IDH3A: variants seen among roughly 807,000 people sequenced by gnomAD.
IDH3A encodes the protein isocitrate dehydrogenase [NAD] subunit alpha, mitochondrial.
Under a neutral mutation model 43.3 loss-of-function variants are expected in IDH3A, and 23 were observed. The ratio of observed to expected loss-of-function variants is 0.53; its 90% CI spans 0.38 to 0.75. The LOEUF (loss-of-function observed/expected upper bound fraction) is 0.75. Among genes scored for constraint, IDH3A ranks in the 30% least tolerant of loss-of-function variants. IDH3A has a pLI of 0.00. For missense variants in IDH3A, 329 were observed against 474.4 expected, an observed-to-expected ratio of 0.69 and a Z score of 2.85; for synonymous variants, 154 against 163.5, an observed-to-expected ratio of 0.94 and a Z score of 0.44.
rs749300385 is a variant in IDH3A at position 78,155,284 on chromosome 15, AATT to A, written c.90+12_90+14del. 6.4e-5 allele frequency: 102 copies of A among 1,596,028 alleles called. No individual in the cohort carries two copies. In the African/African-American group the frequency reaches 1.1e-3, roughly 18 times the overall value. ...GAGGTTTTACTGGTGGTGTGAGTAT[AATT>A]ATGTCTTTTATTTTTTCCTTTTAGA... On this transcript the variant is annotated intron_variant, in intron 2 of 10. Transcript: ENST00000299518.
chr15:78,153,811 G>T (rs1217079041), intron 1 of IDH3A, among the ~76,000 whole-genome samples: 2 of 152,150 alleles, frequency 1.3e-5, no homozygotes, highest in Non-Finnish European at 2.9e-5. Flanking sequence ...CTGAGGTCAG[G>T]AGTTTGAGAC....
intron 3 of IDH3A, among the ~76,000 whole-genome samples, chr15:78,158,721 C>T (rs2074651331): frequency 6.6e-6 from 1 of 151,210 alleles, no homozygotes; most frequent in Non-Finnish European, 1.5e-5. Context: ...AGGTGATCTG[C>T]CCACCTTGGC....
chr15:78,163,587 A>C lies in IDH3A; in HGVS notation c.692A>C (p.Tyr231Ser), dbSNP rs1481487187. 1 of 1,607,468 alleles carries C rather than the reference A, an allele frequency of 6.2e-7. No homozygotes were observed. The change falls in exon 7 of 11, where the codon TAC (tyrosine) becomes TCC (serine). Residue 231 changes from tyrosine to serine, a missense_variant. Coordinates refer to ENST00000299518, the MANE Select transcript of IDH3A (RefSeq NM_005530.3). Reference protein sequence around the residue: ...SCKDIKFNEMYLDTVCLNMVQ... With the variant: ...SCKDIKFNEMSLDTVCLNMVQ... ...AAAGATATTAAATTTAATGAGATGT[A>C]CCTTGATACAGTATGTTTGAATGTA...
chr15:78,149,465 C>T (rs1180615982), intron 1 of IDH3A, 35 bp downstream of exon 1: 2 of 1,516,160 alleles, frequency 1.3e-6, no homozygotes, highest in Non-Finnish European at 1.8e-6. Context: ...GGCAGGCAGG[C>T]AGGCCGCGAG....
chr15:78,160,030 G>A (rs2074665524), intron 3 of IDH3A, 62 bp from the exon 4 acceptor site: 2 of 994,034 alleles, frequency 2.0e-6, no homozygotes, highest in African/African-American at 1.6e-5. Flanking sequence ...CATCATTGCA[G>A]TATGAATGCC....
At chr15:78,167,550 C>T (rs1567073749) in intron 10 of IDH3A, 3 of 152,304 alleles carry the variant, frequency 2.0e-5, no homozygotes, top group African/African-American at 4.8e-5. Context: ...TTTAGGTATA[C>T]AGTTCAATAA....
intron 10 of IDH3A, chr15:78,167,848 A>G (rs931620264): frequency 4.6e-5 from 7 of 152,240 alleles, no homozygotes; most frequent in Admixed American, 1.3e-4. Flanking sequence ...ATTTGAAATT[A>G]TATCGTGTGG....
At position 78,169,917 on chromosome 15, in the gene IDH3A, A is replaced by T. The variant is rs1349557294; in HGVS notation, c.*912A>T. On this transcript the variant is annotated 3_prime_UTR_variant, in exon 11 of 11. Transcript: ENST00000299518. Reference sequence around the variant, plus strand: ...GGTAGTTCTGGGGGCGATACTGCCGAAAGGCCCGAACACATGTATTTTGGC... The same window carrying T: ...GGTAGTTCTGGGGGCGATACTGCCGTAAGGCCCGAACACATGTATTTTGGC... 6.6e-6 allele frequency: 1 copy of T among 152,248 alleles called. No individual in the cohort carries two copies. The highest frequency in any genetic ancestry group is 1.5e-5 in the Non-Finnish European group (1 of 68,042). The allele number at this position is 152,248 out of a possible 1,614,324, so 9.4% of individuals were successfully genotyped here. A position where few individuals can be genotyped will look rare whatever the true frequency, so the allele number is the denominator to read the frequency against.
rs1454665684 is a variant in IDH3A at position 78,171,403 on chromosome 15, C to G, written c.*2398C>G. Reference sequence around the variant, plus strand: ...GGGGCTCAGGAAGAGGCTCGGAACGCCTGCCCTCTATTCTATAGAAACTGC... The same window carrying G: ...GGGGCTCAGGAAGAGGCTCGGAACGGCTGCCCTCTATTCTATAGAAACTGC... On this transcript the variant is annotated 3_prime_UTR_variant, in exon 11 of 11. Transcript: ENST00000299518. The G allele has an allele frequency of 4.3e-5, 68 of 1,563,698 alleles. No homozygotes were observed. The highest frequency in any genetic ancestry group is 6.0e-5 in the Non-Finnish European group (68 of 1,136,374).
intron 1 of IDH3A, among the ~76,000 whole-genome samples, chr15:78,153,933 C>G (rs952962656): frequency 3.3e-5 from 5 of 151,718 alleles, no homozygotes; most frequent in South Asian, 2.1e-4. Flanking sequence ...TGAGGCAAAC[C>G]CAGGAGGTGG....
intron 4 of IDH3A, among the ~76,000 whole-genome samples, chr15:78,160,981 A>G (rs908212351): frequency 6.6e-6 from 1 of 152,172 alleles, no homozygotes; most frequent in Non-Finnish European, 1.5e-5. Context: ...TTCTGGATTC[A>G]AGCTATTCTC....
In IDH3A at chr15:78,153,068, T is replaced by A. The variant is rs528033658; in HGVS notation, c.28-2145T>A. On this transcript the variant is annotated intron_variant, in intron 1 of 10. Transcript: ENST00000299518. The stretch of plus-strand genomic sequence containing the variant: ...ATATGCAGGTAGGATGGGTTTACAT[T>A]TTAAAATCAGTTGTTTGAGTCGGGT... Among the ~76,000 whole-genome samples, 3 of 152,318 alleles carry A rather than the reference T, an allele frequency of 2.0e-5. No individual in the cohort carries two copies. In the South Asian group the frequency reaches 6.2e-4, roughly 32 times the overall value.
intron 3 of IDH3A, among the ~76,000 whole-genome samples, chr15:78,158,446 T>TACAC (rs201344763): frequency 1.4e-5 from 1 of 72,212 alleles, no homozygotes; most frequent in Non-Finnish European, 2.6e-5. Flanking sequence ...AATACATACA[T>TACAC]ACATATATAT....
At position 78,164,936 on chromosome 15, in the gene IDH3A, C is replaced by G. The variant is rs2074722638; in HGVS notation, c.780-56C>G. 6 of 1,325,632 alleles carry G rather than the reference C, an allele frequency of 4.5e-6. No individual in the cohort carries two copies. In the South Asian group the frequency reaches 4.7e-5, roughly 10 times the overall value. 82.1% of individuals were successfully genotyped at this position (1,325,632 alleles called of 1,614,324 possible). ...ATAATTAAAAACTAAAATCTGGGTG[C>G]TAGGTGAGATGTTTTATTTTTAAAA... is the stretch of plus-strand genomic sequence containing the variant. On this transcript the variant is annotated intron_variant, in intron 8 of 10. Transcript: ENST00000299518.
intron 9 of IDH3A, 84 bp from the exon 10 acceptor site, chr15:78,166,066 A>G: frequency 7.9e-7 from 1 of 1,267,092 alleles, no homozygotes; most frequent in Non-Finnish European, 1.1e-6. Flanking sequence ...TGCTGAGGAA[A>G]GATGGTTAAG....
At chr15:78,162,143 C>A in intron 5 of IDH3A, 91 bp from the exon 6 acceptor site, 2 of 1,392,768 alleles carry the variant, frequency 1.4e-6, no homozygotes, top group South Asian at 1.2e-5. Context: ...TGCAGGCCTG[C>A]CACAAATGTT....
intron 3 of IDH3A, among the ~76,000 whole-genome samples, chr15:78,158,688 G>C (rs2074650892): frequency 6.7e-6 from 1 of 150,252 alleles, no homozygotes. Context: ...TATTGGTCAG[G>C]CTGGTCTCGA....
Position 78,169,052 on chromosome 15 carries a change from C to T in IDH3A, c.*47C>T, listed in dbSNP as rs2074787375. ...CATCAGTCACTCTAAATGGACACCA[C>T]ATGAACCTCTGTTTAGAATACCTAC... On this transcript the variant is annotated 3_prime_UTR_variant, in exon 11 of 11. Coordinates refer to ENST00000299518, the MANE Select transcript of IDH3A (RefSeq NM_005530.3). 8.5e-7 allele frequency: 1 copy of T among 1,180,436 alleles called. No individual in the cohort carries two copies. The highest frequency in any genetic ancestry group is 1.5e-5 in the African/African-American group (1 of 66,468). 73.1% of individuals were successfully genotyped at this position (1,180,436 alleles called of 1,614,324 possible). A position where few individuals can be genotyped will look rare whatever the true frequency, so the allele number is the denominator to read the frequency against.
chr15:78,152,346 C>T (rs1426121840), intron 1 of IDH3A, among the ~76,000 whole-genome samples: 1 of 144,258 alleles, frequency 6.9e-6, no homozygotes, highest in African/African-American at 2.6e-5. Context: ...GCGTGAGGCA[C>T]TGCGCCCGGC....
Sources: gnomAD v4.1 joint callset for allele counts (sites outside exome capture counted in the v4.1 genomes callset) on GRCh38, gnomAD v4.1.1 for gene constraint, MANE v1.5 for transcripts, NCBI Gene and HGNC (gene_info 2026-07-23, HGNC 2026-07-21) for gene names.